HTR4: variants seen among roughly 807,000 people sequenced by gnomAD.
The protein encoded by HTR4 is 5-hydroxytryptamine (serotonin) receptor 4, G protein-coupled.
HTR4 carries 16 observed loss-of-function variants against 36.8 expected under a neutral mutation model. The observed-to-expected ratio is 0.43, with a 90% CI of 0.29 to 0.66. The LOEUF is 0.66. HTR4 is among the 30% of genes least tolerant of loss of function. HTR4 has a pLI of 0.13. For missense variants in HTR4, 438 were observed against 490.9 expected (o/e 0.89, Z 1.02); for synonymous variants, 189 against 185.1 (o/e 1.02, Z -0.17).
intron 1 of HTR4, among the ~76,000 whole-genome samples, chr5:148,643,961 T>G (rs981151582): frequency 6.6e-6 from 1 of 152,096 alleles, no homozygotes; most frequent in African/African-American, 2.4e-5. Flanking sequence ...AGAACAGAAC[T>G]AACTAAGGGG....
chr5:148,608,198 T>C (rs1235411198), intron 2 of HTR4, among the ~76,000 whole-genome samples: 1 of 152,204 alleles, frequency 6.6e-6, no homozygotes, highest in African/African-American at 2.4e-5. Context: ...TCAACAAATA[T>C]TTATTGAGTG....
chr5:148,451,353 T>A, intron 5 of HTR4: 1 of 1,600,408 alleles, frequency 6.2e-7, no homozygotes, highest in East Asian at 2.2e-5. Context: ...CCTTCTACTC[T>A]TGACTTCCTT....
At chr5:148,644,422 GTTTTTTT>G (rs1175588280) in intron 1 of HTR4, among the ~76,000 whole-genome samples, 22 of 40,614 alleles carry the variant, frequency 5.4e-4, no homozygotes, top group East Asian at 2.3e-3. Context: ...AAGCTCACAA[GTTTTTTT>G]TTTTTTTTTT....
intron 2 of HTR4, among the ~76,000 whole-genome samples, chr5:148,582,989 G>C (rs1342869551): frequency 1.3e-5 from 2 of 151,942 alleles, no homozygotes; most frequent in African/African-American, 4.8e-5. Flanking sequence ...GCAGTGGTGA[G>C]AGAGGGCATC....
intron 4 of HTR4, among the ~76,000 whole-genome samples, chr5:148,545,861 G>A (rs1759362523): frequency 1.3e-5 from 2 of 152,332 alleles, no homozygotes; most frequent in East Asian, 3.9e-4. Flanking sequence ...AAGCAAAGGA[G>A]CAACAGTATT....
chr5:148,556,774 G>C (rs1051707344), intron 2 of HTR4, among the ~76,000 whole-genome samples: 39 of 152,260 alleles, frequency 2.6e-4, no homozygotes, highest in African/African-American at 9.1e-4. Flanking sequence ...TGATGCTGCT[G>C]GTTCCTGAGT....
At chr5:148,539,756 T>C (rs1018595598) in intron 4 of HTR4, among the ~76,000 whole-genome samples, 20 of 152,034 alleles carry the variant, frequency 1.3e-4, no homozygotes, top group Admixed American at 7.2e-4. Context: ...AAAGGGAACA[T>C]TTATACACTG....
intron 5 of HTR4, among the ~76,000 whole-genome samples, chr5:148,516,050 T>C (rs1044069328): frequency 6.6e-5 from 10 of 150,734 alleles, no homozygotes; most frequent in Middle Eastern, 3.5e-3. Flanking sequence ...ATATGATACA[T>C]ATATATACAT....
Position 148,509,438 on chromosome 5 carries a change from C to A in HTR4, c.1076+18G>T, listed in dbSNP as rs1757383508. On this transcript the variant is annotated intron_variant, in intron 6 of 6. Transcript: ENST00000377888. ...AATACAAATCAACCAAATCAATGAA[C>A]TCCCTTAGTATACTCACCTTAGTAC... 2 of 1,544,408 alleles carry A rather than the reference C, an allele frequency of 1.3e-6. No homozygotes were observed. Among genetic ancestry groups the A allele is most frequent in the Non-Finnish European group, 1.8e-6 (2 of 1,138,058 alleles).
intron 4 of HTR4, 26 bp downstream of exon 4, chr5:148,548,642 C>T (rs200236923): frequency 9.6e-6 from 15 of 1,556,508 alleles, no homozygotes; most frequent in East Asian, 7.1e-5. Flanking sequence ...CATGGAGCTC[C>T]GCTATGCACA....
chr5:148,613,729 G>A (rs1752540421), intron 2 of HTR4, among the ~76,000 whole-genome samples: 1 of 148,456 alleles, frequency 6.7e-6, no homozygotes, highest in Non-Finnish European at 1.5e-5. Flanking sequence ...TAGGAAAAGA[G>A]GAAGTCAAAT....
At chr5:148,458,475 T>C (rs1471261994) in intron 5 of HTR4, among the ~76,000 whole-genome samples, 1 of 152,112 alleles carries the variant, frequency 6.6e-6, no homozygotes, top group East Asian at 1.9e-4. Context: ...CACAGCCAGC[T>C]ATAAGATTAT....
At chr5:148,477,475 C>T (rs970939602), downstream of HTR4, among the ~76,000 whole-genome samples, 12 of 152,138 alleles carry the variant, frequency 7.9e-5, no homozygotes, top group East Asian at 1.9e-4. Context: ...CTAACAAGAA[C>T]GGGCCTCAGG....
intron 2 of HTR4, chr5:148,628,578 G>GA (rs1386138267): frequency 1.3e-5 from 2 of 152,094 alleles, no homozygotes; most frequent in African/African-American, 4.8e-5. Flanking sequence ...GAGATAATTT[G>GA]AAAAAATCAG....
chr5:148,650,027 T>TG (rs957021258), intron 1 of HTR4, among the ~76,000 whole-genome samples: 3 of 54,944 alleles, frequency 5.5e-5, no homozygotes, highest in African/African-American at 1.8e-4. Flanking sequence ...GCAATTTGTG[T>TG]TTTTTTTTTA....
intron 2 of HTR4, among the ~76,000 whole-genome samples, chr5:148,600,932 C>T (rs76939002): frequency 0.023 from 2,343 of 100,042 alleles, 123 homozygotes; most frequent in East Asian, 0.17. Flanking sequence ...ATTTGATAAA[C>T]GGTTAATATT....
In HTR4 at chr5:148,578,497, A is replaced by G. The variant is rs1345667906; in HGVS notation, c.27-28235T>C. On this transcript the variant is annotated intron_variant, in intron 2 of 6. Transcript: ENST00000377888. ...ATATAAACGATAATCTAACATGCAT[A>G]CTTTCAATGAACATCATGTCTTAAC... is the stretch of plus-strand genomic sequence containing the variant. 2.0e-5 allele frequency among the ~76,000 whole-genome samples: 3 copies of G among 152,208 alleles called. No individual in the cohort carries two copies. In the East Asian group the frequency reaches 5.8e-4, roughly 29 times the overall value.
chr5:148,630,184 A>C (rs1226862270), intron 2 of HTR4: 1 of 152,194 alleles, frequency 6.6e-6, no homozygotes, highest in Non-Finnish European at 1.5e-5. Context: ...TAAAATATAT[A>C]CAACAGTTTC....
At position 148,481,705 on chromosome 5, in the gene HTR4, C is replaced by G; in HGVS notation, c.*1498G>C. 1 of 1,456,638 alleles carries G rather than the reference C, an allele frequency of 6.9e-7. No individual in the cohort carries two copies. Among genetic ancestry groups the G allele is most frequent in the South Asian group, 1.5e-5 (1 of 67,720 alleles). 90.2% of individuals were successfully genotyped at this position (1,456,638 alleles called of 1,614,324 possible). ...AAAAAAAGAGAATATGATAAATAAT[C>G]CTGAGATGCTATTAAACCACAGCCA... is the stretch of plus-strand genomic sequence containing the variant. On this transcript the variant is annotated 3_prime_UTR_variant, in exon 7 of 7. Transcript: ENST00000377888.
Sources: allele counts gnomAD v4.1 joint callset (sites outside exome capture counted in the v4.1 genomes callset), GRCh38; gene constraint gnomAD v4.1.1; transcripts MANE v1.5; gene names NCBI Gene and HGNC (gene_info 2026-07-23, HGNC 2026-07-21).